The following KSR2 variants were observed in gnomAD, a reference collection of about 807,000 sequenced individuals.
The protein encoded by KSR2 is kinase suppressor of ras 2.
In KSR2, 25 loss-of-function variants were observed where a neutral mutation model predicts 107.8. That is an observed-to-expected ratio of 0.23 (90% CI 0.17 to 0.32). The LOEUF is 0.32. Among genes scored for constraint, KSR2 ranks in the 10% least tolerant of loss-of-function variants. The pLI, the probability that KSR2 is intolerant of heterozygous loss-of-function variation, is 1.00. For synonymous variants in KSR2, 480 were observed against 507.0 expected, an observed-to-expected ratio of 0.95 and a Z score of 0.71; for missense variants, 887 against 1,268.9, an observed-to-expected ratio of 0.70 and a Z score of 4.57.
intron 9 of KSR2, among the ~76,000 whole-genome samples, chr12:117,554,629 A>C (rs1161199686): frequency 6.6e-6 from 1 of 152,156 alleles, no homozygotes; most frequent in Non-Finnish European, 1.5e-5. Flanking sequence ...AAGCCTCACA[A>C]GATATGATGG....
chr12:117,694,848 T>C (rs868817088), intron 4 of KSR2, among the ~76,000 whole-genome samples: 14 of 126,952 alleles, frequency 1.1e-4, no homozygotes, highest in East Asian at 2.1e-4. Flanking sequence ...TATGATTCTT[T>C]TTTTTTTTTT....
In KSR2 at chr12:117,667,578, C is replaced by T. The variant is rs189984264; in HGVS notation, c.1067G>A (p.Arg356His). ...GSCENIPSQQ[R>H]SPLLSERSLR... ...GGAGCGCTCGGACAGCAGCGGGGAG[C>T]GCTGCTGAGAGGGGATGTTCTCGCA... is the stretch of plus-strand genomic sequence containing the variant. Residue 356 changes from arginine to histidine, a missense_variant, in exon 5 of 20, where the codon CGC (arginine) becomes CAC (histidine). This residue lies in a region of KSR2 where 399 missense variants were observed against 479.5 expected (regional missense o/e 0.83). Coordinates refer to ENST00000339824, the MANE Select transcript of KSR2 (RefSeq NM_173598.6). 8 of 1,613,150 alleles carry T rather than the reference C, an allele frequency of 5.0e-6. No individual in the cohort carries two copies. Among genetic ancestry groups the T allele is most frequent in the East Asian group, 2.2e-5 (1 of 44,854 alleles).
At chr12:117,657,713 T>C (rs1374238160) in intron 5 of KSR2, among the ~76,000 whole-genome samples, 1 of 152,176 alleles carries the variant, frequency 6.6e-6, no homozygotes, top group African/African-American at 2.4e-5. Context: ...TCTTTGTCCT[T>C]TGCCATCTAG....
chr12:117,733,163 G>C lies in KSR2; in HGVS notation c.986+27848C>G, dbSNP rs550011954. On this transcript the variant is annotated intron_variant, in intron 4 of 19. Coordinates refer to ENST00000339824, the MANE Select transcript of KSR2 (RefSeq NM_173598.6). The stretch of plus-strand genomic sequence containing the variant: ...GACAGGTCCTGTCCCTCCAGGCTGA[G>C]AGCCATTCTAGGGGGCTTCCTACTG... 2.0e-5 allele frequency among the ~76,000 whole-genome samples: 3 copies of C among 152,250 alleles called. No homozygotes were observed. The South Asian group carries it at 6.2e-4, about 32-fold the overall frequency.
intron 3 of KSR2, among the ~76,000 whole-genome samples, chr12:117,811,296 C>G (rs1891182430): frequency 6.6e-6 from 1 of 152,218 alleles, no homozygotes; most frequent in Non-Finnish European, 1.5e-5. Flanking sequence ...ACTTCTGTTT[C>G]AGGAAACTAT....
chr12:117,694,977 A>C (rs1404938015), intron 4 of KSR2, among the ~76,000 whole-genome samples: 2 of 150,248 alleles, frequency 1.3e-5, no homozygotes, highest in Non-Finnish European at 1.5e-5. Flanking sequence ...CAGCCTCCCG[A>C]GTAGCTGGGA....
intron 9 of KSR2, among the ~76,000 whole-genome samples, chr12:117,550,448 C>G (rs746200282): frequency 2.6e-5 from 4 of 152,208 alleles, no homozygotes; most frequent in African/African-American, 4.8e-5. Flanking sequence ...GTTCAATGGA[C>G]TGTCCTAAAC....
At chr12:117,705,236 A>G (rs1886476353) in intron 4 of KSR2, among the ~76,000 whole-genome samples, 1 of 152,130 alleles carries the variant, frequency 6.6e-6, no homozygotes, top group African/African-American at 2.4e-5. Flanking sequence ...GGAAGCTAAG[A>G]CCATACTAGA....
chr12:117,927,203 C>G (rs1392366410), intron 1 of KSR2, among the ~76,000 whole-genome samples: 4 of 151,564 alleles, frequency 2.6e-5, no homozygotes, highest in Non-Finnish European at 4.4e-5. Context: ...TGGTGAAACC[C>G]CATCTCTACT....
intron 17 of KSR2, among the ~76,000 whole-genome samples, chr12:117,474,903 C>T (rs1309731167): frequency 2.0e-5 from 3 of 152,118 alleles, no homozygotes; most frequent in Non-Finnish European, 4.4e-5. Flanking sequence ...CCTGCTGCAC[C>T]GCCATGGTCT....
chr12:117,622,632 A>G (rs1882254727), intron 5 of KSR2, among the ~76,000 whole-genome samples: 1 of 152,132 alleles, frequency 6.6e-6, no homozygotes, highest in Admixed American at 6.6e-5. Flanking sequence ...TCTCCACACA[A>G]AATCTTGTGG....
chr12:117,856,669 G>T (rs1893112349), intron 2 of KSR2, among the ~76,000 whole-genome samples: 1 of 152,112 alleles, frequency 6.6e-6, no homozygotes, highest in Admixed American at 6.5e-5. Flanking sequence ...TAGAGACAGG[G>T]TTTCACCATG....
chr12:117,469,708 G>C lies in KSR2; in HGVS notation c.2800C>G (p.Arg934Gly), dbSNP rs1169646005. The change falls in exon 19 of 20, where the codon CGA becomes GGA. Residue 934 changes from arginine (R) to glycine (G), a missense_variant. Physicochemically the swap from Arg to Gly is moderately radical, Grantham distance 125. Transcript: ENST00000339824. ...LMDMLEKLPK[R>G]NRRLSHPGHF... ...CCAGGGTGAGACAGGCGACGGTTTC[G>C]CTTTGGCAGTTTCTCCAGCATGTCC... 1 of 1,613,430 alleles carries C rather than the reference G, an allele frequency of 6.2e-7. No homozygotes were observed. Among genetic ancestry groups the C allele is most frequent in the Non-Finnish European group, 8.5e-7 (1 of 1,179,750 alleles).
intron 1 of KSR2, among the ~76,000 whole-genome samples, chr12:117,963,966 G>A (rs1027595933): frequency 3.9e-5 from 6 of 152,126 alleles, no homozygotes; most frequent in African/African-American, 1.4e-4. Flanking sequence ...GTTTTCCCAG[G>A]TGTATCCTAT....
chr12:117,732,342 G>A (rs1011879420), intron 4 of KSR2, among the ~76,000 whole-genome samples: 1 of 151,676 alleles, frequency 6.6e-6, no homozygotes, highest in Non-Finnish European at 1.5e-5. Context: ...AGGCTGGAGT[G>A]CCATGGTGCC....
intron 17 of KSR2, among the ~76,000 whole-genome samples, chr12:117,474,336 G>T (rs1871645448): frequency 6.6e-6 from 1 of 152,052 alleles, no homozygotes; most frequent in Admixed American, 6.6e-5. Context: ...AAAGATTTGG[G>T]CATAAAATAA....
rs1881762275 is a variant in KSR2 at position 117,614,358 on chromosome 12, TAAG to T, written c.1172-32002_1172-32000del. Among the ~76,000 whole-genome samples the T allele has an allele frequency of 2.0e-5, 3 of 152,196 alleles. No homozygotes were observed. In the South Asian group the frequency reaches 6.2e-4, roughly 32 times the overall value. On this transcript the variant is annotated intron_variant, in intron 5 of 19. Coordinates refer to ENST00000339824, the MANE Select transcript of KSR2 (RefSeq NM_173598.6). ...CATAAATTACTTTTTATAATTTAAA[TAAG>T]GAGTGAGTCCTAAAATCTAGAGAAA...
chr12:117,821,961 A>G (rs1331209825), intron 3 of KSR2, among the ~76,000 whole-genome samples: 1 of 152,182 alleles, frequency 6.6e-6, no homozygotes. Context: ...GAGGTTGGCA[A>G]GAAATACGGC....
chr12:117,754,201 C>T (rs1888708403), intron 4 of KSR2, among the ~76,000 whole-genome samples: 1 of 151,938 alleles, frequency 6.6e-6, no homozygotes, highest in East Asian at 1.9e-4. Context: ...ATGCTATGGC[C>T]AGTATATTCT....
Sources: gnomAD v4.1 joint callset for allele counts (sites outside exome capture counted in the v4.1 genomes callset) on GRCh38, gnomAD v4.1.1 for gene constraint, gnomAD v4.1.1 regional missense constraint, MANE v1.5 for transcripts, NCBI Gene and HGNC (gene_info 2026-07-23, HGNC 2026-07-21) for gene names.